Variants in TESC observed in about 807,000 individuals in gnomAD.
TESC encodes the protein calcineurin B homologous protein 3.
TESC carries 19 observed loss-of-function variants against 31.0 expected under a neutral mutation model. The ratio of observed to expected loss-of-function variants is 0.61; its 90% CI spans 0.43 to 0.90. The LOEUF is 0.90. Ranked by LOEUF, TESC falls within the 40% of genes least tolerant of loss-of-function variation. The probability of loss-of-function intolerance (pLI) is 0.00; values close to 1 mark genes in which losing one functional copy is unlikely to be tolerated. For missense variants in TESC, 248 were observed against 303.8 expected, an observed-to-expected ratio of 0.82 and a Z score of 1.36; for synonymous variants, 109 against 114.8, an observed-to-expected ratio of 0.95 and a Z score of 0.32.
intron 1 of TESC, 34 bp from the exon 2 acceptor site, chr12:117,075,374 A>G: frequency 6.3e-7 from 1 of 1,599,608 alleles, no homozygotes; most frequent in East Asian, 2.2e-5. Context: ...AAAACAAGAC[A>G]GAAAAAAAAA....
At chr12:117,062,408 G>A (rs1359434241) in intron 2 of TESC, among the ~76,000 whole-genome samples, 2 of 152,118 alleles carry the variant, frequency 1.3e-5, no homozygotes, top group Admixed American at 6.6e-5. Context: ...TTTTAGTAGA[G>A]ATGGGGTTTC....
At chr12:117,070,466 C>G (rs1954952476) in intron 2 of TESC, among the ~76,000 whole-genome samples, 1 of 152,120 alleles carries the variant, frequency 6.6e-6, no homozygotes, top group Non-Finnish European at 1.5e-5. Context: ...ACACGAACCT[C>G]GAAGCCGACT....
intron 1 of TESC, among the ~76,000 whole-genome samples, chr12:117,080,927 C>T (rs1955139396): frequency 6.6e-6 from 1 of 152,206 alleles, no homozygotes; most frequent in Admixed American, 6.5e-5. Context: ...TTGCTCCTCA[C>T]CTCTGAGCCC....
intron 7 of TESC, among the ~76,000 whole-genome samples, chr12:117,041,047 G>A (rs1346939042): frequency 6.6e-6 from 1 of 151,740 alleles, no homozygotes; most frequent in Non-Finnish European, 1.5e-5. Context: ...GGAGGGGGAT[G>A]GGGACAGGGG....
chr12:117,040,927 C>T (rs1664907145), intron 7 of TESC, among the ~76,000 whole-genome samples: 1 of 150,840 alleles, frequency 6.6e-6, no homozygotes, highest in Admixed American at 6.6e-5. Context: ...ATCCTCTCTC[C>T]TCTCTTGGTC....
In TESC at chr12:117,049,903, GAAAAAAAA is replaced by G. The variant is rs66797686; in HGVS notation, c.210-753_210-746del. The stretch of plus-strand genomic sequence containing the variant: ...GTGACAGAGGGAGACCCTGTCTCAA[GAAAAAAAA>G]AAAAAAAAAAAAAGGAAGAAGAGGA... On this transcript the variant is annotated intron_variant, in intron 3 of 7. Coordinates refer to ENST00000335209, the MANE Select transcript of TESC (RefSeq NM_017899.4). 1.9e-4 allele frequency among the ~76,000 whole-genome samples: 16 copies of G among 86,454 alleles called. 1 individual carries two copies. Among genetic ancestry groups the G allele is most frequent in the South Asian group, 3.6e-4 (1 of 2,762 alleles). 56.7% of individuals were successfully genotyped at this position (86,454 alleles called of 152,430 possible).
intron 1 of TESC, among the ~76,000 whole-genome samples, chr12:117,085,584 T>C (rs1366480410): frequency 6.6e-6 from 1 of 152,116 alleles, no homozygotes; most frequent in African/African-American, 2.4e-5. Context: ...GGGGCATCAC[T>C]GGGGGGCTCA....
intron 7 of TESC, among the ~76,000 whole-genome samples, chr12:117,040,873 T>C (rs1039536567): frequency 1.3e-5 from 2 of 152,244 alleles, no homozygotes; most frequent in Admixed American, 6.5e-5. Context: ...CCCCCAGTCC[T>C]GCTCTAGGCT....
At chr12:117,081,442 A>G (rs1441937058) in intron 1 of TESC, among the ~76,000 whole-genome samples, 1 of 152,244 alleles carries the variant, frequency 6.6e-6, no homozygotes, top group African/African-American at 2.4e-5. Context: ...CATTACAGCT[A>G]CTAGAAAATT....
intron 1 of TESC, among the ~76,000 whole-genome samples, chr12:117,090,223 TA>T (rs1319027624): frequency 2.6e-5 from 4 of 152,224 alleles, no homozygotes. Flanking sequence ...TTGCAAGAAT[TA>T]ATAGTGTCTG....
At chr12:117,088,483 C>T (rs1955251638) in intron 1 of TESC, among the ~76,000 whole-genome samples, 1 of 152,080 alleles carries the variant, frequency 6.6e-6, no homozygotes, top group Admixed American at 6.5e-5. Context: ...GAGTTTGAGA[C>T]CAGCCTGGCC....
At chr12:117,051,206 AAT>A (rs1396525558) in intron 3 of TESC, among the ~76,000 whole-genome samples, 4 of 152,294 alleles carry the variant, frequency 2.6e-5, no homozygotes, top group Non-Finnish European at 1.5e-5. Flanking sequence ...CATGTAAAGG[AAT>A]ATGTTTGCAA....
chr12:117,039,634 C>T (rs1201094690), intron 7 of TESC, among the ~76,000 whole-genome samples: 3 of 152,164 alleles, frequency 2.0e-5, no homozygotes, highest in Non-Finnish European at 4.4e-5. Flanking sequence ...TCATCATGGA[C>T]GCGTTTTGTA....
chr12:117,066,212 T>TTTTTTTTC (rs1954877996), intron 2 of TESC, among the ~76,000 whole-genome samples: 1 of 131,764 alleles, frequency 7.6e-6, no homozygotes, highest in African/African-American at 3.1e-5. Flanking sequence ...TTTTTTTTTT[T>TTTTTTTTC]TTTTTTTTTT....
At chr12:117,067,120 T>C (rs1954897416) in intron 2 of TESC, among the ~76,000 whole-genome samples, 1 of 152,136 alleles carries the variant, frequency 6.6e-6, no homozygotes, top group Non-Finnish European at 1.5e-5. Context: ...CGTAGCAGGT[T>C]TTCCTCTTTA....
At chr12:117,083,747 G>T (rs892933615) in intron 1 of TESC, among the ~76,000 whole-genome samples, 1 of 152,170 alleles carries the variant, frequency 6.6e-6, no homozygotes, top group East Asian at 1.9e-4. Flanking sequence ...GGTGTTGAGG[G>T]AATGAGAAGT....
At chr12:117,073,851 G>A (rs1037975156) in intron 2 of TESC, among the ~76,000 whole-genome samples, 4 of 152,006 alleles carry the variant, frequency 2.6e-5, no homozygotes, top group East Asian at 3.9e-4. Context: ...AGGCTGAGGC[G>A]GGGGGACTGC....
At chr12:117,098,693 G>A (rs909959154) in intron 1 of TESC, 1 of 152,328 alleles carries the variant, frequency 6.6e-6, no homozygotes, top group Non-Finnish European at 1.5e-5. Flanking sequence ...GCCACCCGCG[G>A]GGATGAGGCT....
At chr12:117,075,923 GTATATATATATATA>G (rs1214809145) in intron 1 of TESC, among the ~76,000 whole-genome samples, 54 of 68,656 alleles carry the variant, frequency 7.9e-4, no homozygotes, top group East Asian at 3.0e-3. Flanking sequence ...ATGTGTGTGT[GTATATATATATATA>G]TATGTATATA....
Sources: gnomAD v4.1 joint callset for allele counts (sites outside exome capture counted in the v4.1 genomes callset) on GRCh38, gnomAD v4.1.1 for gene constraint, MANE v1.5 for transcripts, NCBI Gene and HGNC (gene_info 2026-07-23, HGNC 2026-07-21) for gene names.